The following MACO1 variants were observed in gnomAD, a reference collection of about 807,000 sequenced individuals.
MACO1 encodes the protein macoilin 1, also known as macoilin.
In MACO1, 14 loss-of-function variants were observed where a neutral mutation model predicts 78.7. The ratio of observed to expected loss-of-function variants is 0.18; its 90% CI spans 0.12 to 0.28. The LOEUF (loss-of-function observed/expected upper bound fraction) is 0.28, where lower values mean the gene tolerates loss of function less well. Ranked by LOEUF, MACO1 falls within the 10% of genes least tolerant of loss-of-function variation. The pLI is 1.00. For synonymous variants in MACO1, 288 were observed against 291.6 expected (o/e 0.99, Z 0.12); for missense variants, 501 against 799.0 (o/e 0.63, Z 4.50).
At chr1:25,453,075 G>A (rs538048135) in intron 3 of MACO1, among the ~76,000 whole-genome samples, 4 of 147,146 alleles carry the variant, frequency 2.7e-5, no homozygotes, top group African/African-American at 1.0e-4. Flanking sequence ...ATGCAATCTC[G>A]GCTCACCGCA....
At chr1:25,490,432 G>A (rs1467472525) in intron 9 of MACO1, among the ~76,000 whole-genome samples, 2 of 152,196 alleles carry the variant, frequency 1.3e-5, no homozygotes, top group African/African-American at 4.8e-5. Context: ...GAAATTAGCA[G>A]ATGATTTTTA....
intron 5 of MACO1, 92 bp from the exon 6 acceptor site, chr1:25,458,299 A>G (rs2043140429): frequency 8.1e-6 from 12 of 1,481,648 alleles, no homozygotes; most frequent in Middle Eastern, 1.9e-4. Flanking sequence ...TCTTAAGTGT[A>G]GATAATAGTT....
chr1:25,439,002 C>A (rs1201430247), intron 1 of MACO1, among the ~76,000 whole-genome samples: 1 of 151,900 alleles, frequency 6.6e-6, no homozygotes, highest in African/African-American at 2.4e-5. Flanking sequence ...ATAGAAAAAG[C>A]AAATTATATT....
intron 6 of MACO1, among the ~76,000 whole-genome samples, chr1:25,475,593 T>A (rs891923945): frequency 7.9e-5 from 12 of 151,384 alleles, no homozygotes; most frequent in African/African-American, 2.4e-4. Context: ...GAGACTTGGA[T>A]TTTCCCTAAG....
At chr1:25,492,755 A>C (rs939685373) in intron 10 of MACO1, among the ~76,000 whole-genome samples, 4 of 152,190 alleles carry the variant, frequency 2.6e-5, no homozygotes, top group Non-Finnish European at 5.9e-5. Context: ...TTGATTAGCT[A>C]TCCAACCAGA....
At chr1:25,444,007 T>C (rs2042994255) in intron 1 of MACO1, among the ~76,000 whole-genome samples, 1 of 151,832 alleles carries the variant, frequency 6.6e-6, no homozygotes, top group African/African-American at 2.4e-5. Context: ...ATCCCAGCAC[T>C]TTGGGAGGCC....
At chr1:25,494,535 A>T (rs1571993907) in intron 10 of MACO1, among the ~76,000 whole-genome samples, 1 of 152,184 alleles carries the variant, frequency 6.6e-6, no homozygotes, top group Non-Finnish European at 1.5e-5. Flanking sequence ...AGGAAGAAAG[A>T]GGGGACGTGT....
At chr1:25,434,818 A>AC (rs1491372933) in intron 1 of MACO1, among the ~76,000 whole-genome samples, 2 of 152,136 alleles carry the variant, frequency 1.3e-5, no homozygotes, top group Non-Finnish European at 2.9e-5. Context: ...GCCTAGACAC[A>AC]TGTGCACCAG....
At chr1:25,454,468 G>GTATATATATATATATATATATA (rs1331624529) in intron 4 of MACO1, 86 bp downstream of exon 4, 1 of 152,516 alleles carries the variant, frequency 6.6e-6, no homozygotes, top group African/African-American at 4.6e-5. Flanking sequence ...GTGTGTGTGT[G>GTATATATATATATATATATATA]TGTATATATA....
chr1:25,486,324 GAATTAC>G (rs2043431056), intron 8 of MACO1, among the ~76,000 whole-genome samples: 1 of 152,048 alleles, frequency 6.6e-6, no homozygotes, highest in African/African-American at 2.4e-5. Context: ...CTACTAGATG[GAATTAC>G]ATTTATGGCA....
chr1:25,466,350 G>A (rs1234895273), intron 6 of MACO1, among the ~76,000 whole-genome samples: 2 of 152,086 alleles, frequency 1.3e-5, no homozygotes, highest in African/African-American at 2.4e-5. Flanking sequence ...TTTCACTCTT[G>A]TTGCCCAGGC....
chr1:25,489,130 A>G (rs1171728718), intron 8 of MACO1, 43 bp from the exon 9 acceptor site: 3 of 1,594,838 alleles, frequency 1.9e-6, no homozygotes, highest in Middle Eastern at 3.3e-4. Context: ...CCCAACCTAT[A>G]GTCTTTTAAA....
At chr1:25,479,116 T>C (rs545286096) in intron 6 of MACO1, among the ~76,000 whole-genome samples, 87 of 152,342 alleles carry the variant, frequency 5.7e-4, no homozygotes, top group African/African-American at 1.7e-3. Context: ...TCAAGGCTTA[T>C]AATCTATTAC....
At chr1:25,438,668 C>T (rs1442490061) in intron 1 of MACO1, among the ~76,000 whole-genome samples, 2 of 152,048 alleles carry the variant, frequency 1.3e-5, no homozygotes, top group Admixed American at 6.6e-5. Context: ...TTTGGGAGGT[C>T]GAGGCGGGTG....
At chr1:25,479,879 T>C (rs2043355868) in intron 6 of MACO1, among the ~76,000 whole-genome samples, 1 of 152,222 alleles carries the variant, frequency 6.6e-6, no homozygotes, top group Non-Finnish European at 1.5e-5. Flanking sequence ...ACTTGTGATT[T>C]ATAAGCTGTA....
chr1:25,439,265 T>A (rs1215547692), intron 1 of MACO1, among the ~76,000 whole-genome samples: 1 of 151,986 alleles, frequency 6.6e-6, no homozygotes, highest in Non-Finnish European at 1.5e-5. Context: ...GCATGGTGGC[T>A]CTTGCCTGTC....
intron 6 of MACO1, among the ~76,000 whole-genome samples, chr1:25,480,368 A>G (rs185297555): frequency 1.8e-4 from 28 of 152,350 alleles, no homozygotes; most frequent in Non-Finnish European, 3.1e-4. Flanking sequence ...ACAATTTGGA[A>G]AATAATTCAG....
chr1:25,461,635 T>C (rs1365981237), intron 6 of MACO1, among the ~76,000 whole-genome samples: 2 of 152,138 alleles, frequency 1.3e-5, no homozygotes, highest in African/African-American at 4.8e-5. Flanking sequence ...TTAAAATAAA[T>C]TATGGTCCAT....
In MACO1 at chr1:25,454,398, A is replaced by ATC; in HGVS notation, c.473+17_473+18insCT. 1 of 1,529,014 alleles carries ATC rather than the reference A, an allele frequency of 6.5e-7. No homozygotes were observed. The highest frequency in any genetic ancestry group is 1.8e-5 in the Admixed American group (1 of 54,958). The allele number at this position is 1,529,014 out of a possible 1,614,324, so 94.7% of individuals were successfully genotyped here. On this transcript the variant is annotated intron_variant, in intron 4 of 10. Coordinates refer to ENST00000374343, the MANE Select transcript of MACO1 (RefSeq NM_018202.6). ...CTGCTCACTGGTAAGTATTACATAA[A>ATC]TGTATGTGTGTGTGTGTGTATATGT...
Sources: gnomAD v4.1 joint callset for allele counts (sites outside exome capture counted in the v4.1 genomes callset) on GRCh38, gnomAD v4.1.1 for gene constraint, MANE v1.5 for transcripts, NCBI Gene and HGNC (gene_info 2026-07-23, HGNC 2026-07-21) for gene names.